CCDC171: variants seen among roughly 807,000 people sequenced by gnomAD.
The protein encoded by CCDC171 is coiled-coil domain containing 171, also known as coiled-coil domain-containing protein 171.
A neutral mutation model predicts 168.2 loss-of-function variants in CCDC171; 177 were observed. That is an observed-to-expected ratio of 1.05 (90% CI 0.93 to 1.19). The LOEUF is 1.19. CCDC171 is among the 50% of genes most tolerant of loss of function. CCDC171 has a pLI of 0.00. For synonymous variants in CCDC171, 687 were observed against 540.8 expected, an observed-to-expected ratio of 1.27 and a Z score of -3.75; for missense variants, 1,991 against 1,539.0, an observed-to-expected ratio of 1.29 and a Z score of -4.91.
chr9:15,939,075 T>C (rs1021705739), intron 25 of CCDC171, among the ~76,000 whole-genome samples: 23 of 151,550 alleles, frequency 1.5e-4, no homozygotes, highest in African/African-American at 5.6e-4. Context: ...GTTTTGCCTC[T>C]TCTTGATAAT....
chr9:15,984,759 T>C (rs1831931543), intron 3 of CCDC171, among the ~76,000 whole-genome samples: 1 of 152,126 alleles, frequency 6.6e-6, no homozygotes. Flanking sequence ...ATCTGCTCTA[T>C]AAATTTTCCA....
At chr9:16,011,190 G>C (rs1340406905) in intron 3 of CCDC171, among the ~76,000 whole-genome samples, 5 of 152,078 alleles carry the variant, frequency 3.3e-5, no homozygotes, top group African/African-American at 1.2e-4. Context: ...CTATGTAGTG[G>C]CTATGAGGTG....
At chr9:15,662,146 G>A (rs983988350) in intron 8 of CCDC171, among the ~76,000 whole-genome samples, 1 of 152,064 alleles carries the variant, frequency 6.6e-6, no homozygotes, top group African/African-American at 2.4e-5. Context: ...GTGTGGTGGC[G>A]CATGCCTGTA....
the CCDC171 span, among the ~76,000 whole-genome samples, chr9:16,092,972 G>T: frequency 1.3e-5 from 2 of 152,192 alleles, no homozygotes; most frequent in Non-Finnish European, 2.9e-5. Flanking sequence ...AGAGCACAAG[G>T]CTGTGGGAGT....
At chr9:15,739,179 AG>A (rs1564317046) in intron 16 of CCDC171, among the ~76,000 whole-genome samples, 1 of 152,250 alleles carries the variant, frequency 6.6e-6, no homozygotes, top group African/African-American at 2.4e-5. Context: ...AATGAGTCAT[AG>A]AATAGACAGA....
chr9:16,073,932 G>T, the CCDC171 span, among the ~76,000 whole-genome samples: 1 of 152,304 alleles, frequency 6.6e-6, no homozygotes, highest in East Asian at 1.9e-4. Context: ...CTTGTCTTTG[G>T]TAGAGTATCT....
chr9:16,028,947 C>G (rs1393309191), intron 6 of CCDC171, among the ~76,000 whole-genome samples: 2 of 152,182 alleles, frequency 1.3e-5, no homozygotes, highest in Non-Finnish European at 1.5e-5. Flanking sequence ...TCTGACAGCT[C>G]TCCAGCCTCT....
At chr9:15,632,796 A>C (rs1377140648) in intron 7 of CCDC171, among the ~76,000 whole-genome samples, 1 of 152,204 alleles carries the variant, frequency 6.6e-6, no homozygotes, top group African/African-American at 2.4e-5. Flanking sequence ...AGTAACCAAA[A>C]CAGTATGGTA....
chr9:15,623,475 G>GCGCACGCACGCACACACACA, intron 7 of CCDC171, 62 bp downstream of exon 7: 1 of 293,710 alleles, frequency 3.4e-6, no homozygotes, highest in African/African-American at 2.4e-5. Context: ...GCGCGCGCGC[G>GCGCACGCACGCACACACACA]CACACACACA....
intron 6 of CCDC171, among the ~76,000 whole-genome samples, chr9:15,615,427 A>G (rs555613854): frequency 6.6e-6 from 1 of 152,332 alleles, no homozygotes; most frequent in East Asian, 1.9e-4. Flanking sequence ...CAAGAATACA[A>G]TAGAAATTAT....
chr9:15,609,399 G>A (rs923223233), intron 6 of CCDC171, among the ~76,000 whole-genome samples: 2 of 152,054 alleles, frequency 1.3e-5, no homozygotes, highest in African/African-American at 2.4e-5. Flanking sequence ...GTGAACCACC[G>A]CACTTGGCCT....
chr9:16,061,779 T>TGAG (rs1344108951), downstream of CCDC171: 3 of 152,200 alleles, frequency 2.0e-5, no homozygotes, highest in Non-Finnish European at 4.4e-5. Flanking sequence ...ATAAGGAGAC[T>TGAG]GAGTCTTAGA....
intron 6 of CCDC171, among the ~76,000 whole-genome samples, chr9:15,601,375 C>T (rs1266294108): frequency 6.6e-6 from 1 of 152,286 alleles, no homozygotes; most frequent in East Asian, 1.9e-4. Flanking sequence ...AATGAAACCA[C>T]AGCTTTTCCA....
chr9:15,716,654 A>C (rs1008475820), intron 11 of CCDC171, among the ~76,000 whole-genome samples: 3 of 152,180 alleles, frequency 2.0e-5, no homozygotes, highest in Admixed American at 1.3e-4. Context: ...TTGAGGGGCC[A>C]ACATCTGGTG....
intron 7 of CCDC171, among the ~76,000 whole-genome samples, chr9:15,640,455 G>A (rs1436825991): frequency 1.3e-5 from 2 of 151,828 alleles, no homozygotes; most frequent in South Asian, 2.1e-4. Context: ...TGTATCATAC[G>A]AGGCCCCTTA....
intron 18 of CCDC171, among the ~76,000 whole-genome samples, chr9:15,769,374 A>T (rs1164611951): frequency 6.6e-6 from 1 of 152,202 alleles, no homozygotes; most frequent in East Asian, 1.9e-4. Flanking sequence ...CCAGGGGTTC[A>T]TAGACCTCTT....
intron 3 of CCDC171, among the ~76,000 whole-genome samples, chr9:15,990,993 C>T (rs868095562): frequency 2.4e-4 from 37 of 152,136 alleles, no homozygotes; most frequent in Non-Finnish European, 4.7e-4. Context: ...TTTAACACCC[C>T]GCTGTCAACA....
intron 11 of CCDC171, among the ~76,000 whole-genome samples, chr9:15,711,156 A>G (rs913868010): frequency 1.3e-5 from 2 of 152,208 alleles, no homozygotes; most frequent in Non-Finnish European, 2.9e-5. Context: ...TGACTAAGGA[A>G]TTGAAAATTT....
the CCDC171 span, among the ~76,000 whole-genome samples, chr9:16,100,569 G>T: frequency 2.0e-5 from 3 of 152,224 alleles, no homozygotes; most frequent in African/African-American, 7.2e-5. Flanking sequence ...GGCCACTTGA[G>T]TGTCCAAATA....
Sources: allele counts gnomAD v4.1 joint callset (sites outside exome capture counted in the v4.1 genomes callset), GRCh38; gene constraint gnomAD v4.1.1; transcripts MANE v1.5; gene names NCBI Gene and HGNC (gene_info 2026-07-23, HGNC 2026-07-21).